CCDC144A: variants seen among roughly 807,000 people sequenced by gnomAD.
CCDC144A encodes the protein coiled-coil domain containing 144A.
A neutral mutation model predicts 143.8 loss-of-function variants in CCDC144A; 41 were observed. That is an observed-to-expected ratio of 0.29 (90% CI 0.22 to 0.37). The LOEUF is 0.37. CCDC144A is among the 10% of genes least tolerant of loss of function. CCDC144A has a pLI of 1.00. For missense variants in CCDC144A, 637 were observed against 1,488.8 expected (o/e 0.43, Z 9.41); for synonymous variants, 242 against 517.9 (o/e 0.47, Z 7.23).
At chr17:16,701,722 A>T (rs1310112483) in intron 2 of CCDC144A, among the ~76,000 whole-genome samples, 3 of 151,500 alleles carry the variant, frequency 2.0e-5, no homozygotes, top group Non-Finnish European at 4.4e-5. Context: ...TCAGAACAGG[A>T]TCTGATGGCA....
intron 9 of CCDC144A, among the ~76,000 whole-genome samples, chr17:16,729,167 T>G (rs1385857116): frequency 1.3e-5 from 2 of 152,244 alleles, no homozygotes; most frequent in African/African-American, 4.8e-5. Flanking sequence ...ATCTGTCTAC[T>G]GTTTTTCATA....
the CCDC144A span, among the ~76,000 whole-genome samples, chr17:16,679,646 C>T: frequency 6.6e-6 from 1 of 151,900 alleles, no homozygotes; most frequent in African/African-American, 2.4e-5. Context: ...CCCAAAAGTT[C>T]ATTTTTTATG....
chr17:16,754,688 A>G (rs1375949148), intron 12 of CCDC144A, among the ~76,000 whole-genome samples: 2 of 152,264 alleles, frequency 1.3e-5, no homozygotes, highest in African/African-American at 4.8e-5. Flanking sequence ...TAATGAGAAG[A>G]ATGTGTATTC....
At chr17:16,683,534 C>A in the CCDC144A span, 11 of 1,553,948 alleles carry the variant, frequency 7.1e-6, no homozygotes, top group South Asian at 1.0e-4. Context: ...TGAGGAGGGG[C>A]GGCAAGTCCG....
At chr17:16,733,023 A>T (rs1005328124) in intron 11 of CCDC144A, among the ~76,000 whole-genome samples, 21 of 151,804 alleles carry the variant, frequency 1.4e-4, no homozygotes, top group Admixed American at 3.3e-4. Flanking sequence ...CATCTTCCTA[A>T]TATATTAATG....
the CCDC144A span, among the ~76,000 whole-genome samples, chr17:16,672,271 G>A: frequency 1.5e-4 from 23 of 152,056 alleles, no homozygotes; most frequent in Admixed American, 1.2e-3. Flanking sequence ...TGTATGTTTG[G>A]TAGATCAGAT....
chr17:16,733,471 T>C, intron 11 of CCDC144A, among the ~76,000 whole-genome samples: 1 of 146,298 alleles, frequency 6.8e-6, no homozygotes, highest in Non-Finnish European at 1.5e-5. Context: ...GCCACTGCCC[T>C]CCAGCCTGGG....
chr17:16,725,311 C>T (rs1913354183), intron 8 of CCDC144A, among the ~76,000 whole-genome samples: 1 of 151,802 alleles, frequency 6.6e-6, no homozygotes, highest in Non-Finnish European at 1.5e-5. Flanking sequence ...CCACTGGTCC[C>T]CCCAGTTCTT....
intron 6 of CCDC144A, among the ~76,000 whole-genome samples, chr17:16,717,103 C>CTTTTTTTTTTTTT (rs1195816990): frequency 2.4e-5 from 3 of 126,534 alleles, no homozygotes; most frequent in Non-Finnish European, 3.3e-5. Context: ...GCTCGGCCAG[C>CTTTTTTTTTTTTT]TTTTTTTTTT....
intron 2 of CCDC144A, among the ~76,000 whole-genome samples, chr17:16,699,756 A>G (rs1268418697): frequency 1.3e-5 from 2 of 150,920 alleles, no homozygotes; most frequent in African/African-American, 4.9e-5. Flanking sequence ...AGAAACTTTT[A>G]TACTGTAGAA....
upstream of CCDC144A, among the ~76,000 whole-genome samples, chr17:16,684,578 T>G (rs978137566): frequency 1.3e-5 from 2 of 150,916 alleles, no homozygotes; most frequent in African/African-American, 4.9e-5. Context: ...TCACTTGACC[T>G]GGGAGGCTGA....
intron 12 of CCDC144A, among the ~76,000 whole-genome samples, chr17:16,741,036 AGTT>A: frequency 6.6e-6 from 1 of 150,838 alleles, no homozygotes; most frequent in East Asian, 1.9e-4. Flanking sequence ...TTCCCATTAG[AGTT>A]GTTTGTCATT....
rs1268425369 is a variant in CCDC144A at position 16,775,566 on chromosome 17, T to C, written c.*1933T>C. 6.6e-6 allele frequency: 1 copy of C among 152,236 alleles called. No homozygotes were observed. The highest frequency in any genetic ancestry group is 2.4e-5 in the African/African-American group (1 of 41,460). The allele number at this position is 152,236 out of a possible 1,614,324, so 9.4% of individuals were successfully genotyped here. A position where few individuals can be genotyped will look rare whatever the true frequency, so the allele number is the denominator to read the frequency against. On this transcript the variant is annotated 3_prime_UTR_variant, in exon 17 of 17. Transcript: ENST00000399273. Reference sequence around the variant, plus strand: ...AATGGGGTTGAGTTTTTTTTTCTTGTAAATTTGTTTAAGTTCCTTGTAGAT... The same window carrying C: ...AATGGGGTTGAGTTTTTTTTTCTTGCAAATTTGTTTAAGTTCCTTGTAGAT...
chr17:16,701,090 T>A (rs1406134890), intron 2 of CCDC144A, among the ~76,000 whole-genome samples: 1 of 152,204 alleles, frequency 6.6e-6, no homozygotes, highest in African/African-American at 2.4e-5. Context: ...CATATTCTGT[T>A]ACCTTGATCT....
At chr17:16,759,747 A>G (rs1022780763) in intron 12 of CCDC144A, among the ~76,000 whole-genome samples, 3 of 152,196 alleles carry the variant, frequency 2.0e-5, no homozygotes, top group African/African-American at 4.8e-5. Flanking sequence ...GTAATCCTAC[A>G]TGTTTTAGTA....
At chr17:16,764,207 T>C (rs1228294979) in intron 15 of CCDC144A, 32 bp downstream of exon 15, 1 of 1,581,482 alleles carries the variant, frequency 6.3e-7, no homozygotes. Flanking sequence ...GGCGTTCAGA[T>C]TTCTGATAGA....
Position 16,705,275 on chromosome 17 carries a change from A to T in CCDC144A, c.540A>T (p.Glu180Asp), listed in dbSNP as rs1177990069. Residue 180 changes from glutamate (E) to aspartate (D), a missense_variant, in exon 3 of 17, where the codon GAA (glutamate) becomes GAT (aspartate). Physicochemically the swap from Glu to Asp is conservative, Grantham distance 45. Coordinates refer to ENST00000399273, the MANE Select transcript of CCDC144A (RefSeq NM_001382000.1). ...SMPENQSATKELGQMNLTERE... is the reference protein window; with the variant it reads ...SMPENQSATKDLGQMNLTERE... ...CTGAAAATCAGTCAGCAACCAAAGA[A>T]CTGGGACAGATGAACTTAACAGAAC... is the stretch of plus-strand genomic sequence containing the variant. 1.0e-6 allele frequency: 1 copy of T among 954,988 alleles called. No individual in the cohort carries two copies. Among genetic ancestry groups the T allele is most frequent in the East Asian group, 2.4e-5 (1 of 41,332 alleles). 59.2% of individuals were successfully genotyped at this position (954,988 alleles called of 1,614,324 possible).
At chr17:16,767,390 T>C in intron 15 of CCDC144A, 1 of 152,136 alleles carries the variant, frequency 6.6e-6, no homozygotes, top group Non-Finnish European at 1.5e-5. Flanking sequence ...TTTTGAGAGT[T>C]ACAGAAAGAA....
At chr17:16,675,404 C>CT in the CCDC144A span, among the ~76,000 whole-genome samples, 45 of 150,234 alleles carry the variant, frequency 3.0e-4, no homozygotes, top group African/African-American at 9.7e-4. Context: ...ATAAGCTTGT[C>CT]TTTTTTTTTA....
Sources: allele counts gnomAD v4.1 joint callset (sites outside exome capture counted in the v4.1 genomes callset), GRCh38; gene constraint gnomAD v4.1.1; transcripts MANE v1.5; gene names NCBI Gene and HGNC (gene_info 2026-07-23, HGNC 2026-07-21).